The following ARID5B variants were observed in gnomAD, a reference collection of about 807,000 sequenced individuals.
ARID5B encodes the protein AT-rich interaction domain 5B.
In ARID5B, 13 loss-of-function variants were observed where a neutral mutation model predicts 97.2. The observed-to-expected ratio is 0.13, with a 90% CI of 0.09 to 0.21. ARID5B has a LOEUF of 0.21. Ranked by LOEUF, ARID5B falls within the 10% of genes least tolerant of loss-of-function variation. The pLI is 1.00. For synonymous variants in ARID5B, 556 were observed against 570.3 expected, an observed-to-expected ratio of 0.97 and a Z score of 0.36; for missense variants, 1,210 against 1,465.3, an observed-to-expected ratio of 0.83 and a Z score of 2.84.
intron 3 of ARID5B, among the ~76,000 whole-genome samples, chr10:61,950,196 C>T (rs922175056): frequency 1.3e-5 from 2 of 152,116 alleles, no homozygotes; most frequent in East Asian, 1.9e-4. Context: ...TTAGTAGAGA[C>T]GGGGTTTCAC....
intron 8 of ARID5B, among the ~76,000 whole-genome samples, chr10:62,072,242 C>A (rs1302353243): frequency 1.3e-5 from 2 of 152,188 alleles, no homozygotes; most frequent in Non-Finnish European, 2.9e-5. Context: ...TGCTGCCAGA[C>A]CTCAGAGGAC....
chr10:61,923,624 G>C (rs1280875127), intron 2 of ARID5B, among the ~76,000 whole-genome samples: 1 of 152,210 alleles, frequency 6.6e-6, no homozygotes, highest in East Asian at 1.9e-4. Flanking sequence ...GCTGCTGTAT[G>C]ACTCAGAGAG....
intron 4 of ARID5B, among the ~76,000 whole-genome samples, chr10:62,048,543 A>G (rs1839742384): frequency 6.6e-6 from 1 of 152,246 alleles, no homozygotes; most frequent in Non-Finnish European, 1.5e-5. Flanking sequence ...ATCAAATCCC[A>G]TTTAGAGTTT....
intron 7 of ARID5B, among the ~76,000 whole-genome samples, chr10:62,063,954 G>A (rs1839954835): frequency 6.6e-6 from 1 of 152,198 alleles, no homozygotes; most frequent in South Asian, 2.1e-4. Flanking sequence ...GCAAGCCAGA[G>A]GCAGTATCTG....
chr10:61,916,795 T>C (rs1021923280), intron 2 of ARID5B, among the ~76,000 whole-genome samples: 2 of 152,188 alleles, frequency 1.3e-5, no homozygotes, highest in Non-Finnish European at 2.9e-5. Flanking sequence ...GCGCAACAGC[T>C]GTATCCGTCT....
intron 3 of ARID5B, among the ~76,000 whole-genome samples, chr10:61,948,105 T>C (rs1838265244): frequency 3.3e-5 from 5 of 152,178 alleles, no homozygotes; most frequent in Admixed American, 2.6e-4. Flanking sequence ...AAAAGTGAAA[T>C]TGGAACTTTC....
chr10:62,051,467 A>G (rs1839789598), intron 5 of ARID5B, among the ~76,000 whole-genome samples: 1 of 152,250 alleles, frequency 6.6e-6, no homozygotes, highest in Non-Finnish European at 1.5e-5. Flanking sequence ...TTTCAAAGTC[A>G]CTTCTAATTT....
chr10:61,944,352 C>G (rs922297773), intron 3 of ARID5B, among the ~76,000 whole-genome samples: 5 of 152,078 alleles, frequency 3.3e-5, no homozygotes, highest in African/African-American at 7.2e-5. Context: ...CAGTACTTAG[C>G]TTTTATAATA....
intron 4 of ARID5B, among the ~76,000 whole-genome samples, chr10:62,048,421 A>C (rs922809958): frequency 1.3e-5 from 2 of 152,162 alleles, no homozygotes; most frequent in African/African-American, 4.8e-5. Flanking sequence ...TTCAGAGGGG[A>C]GAGTAGGAGA....
chr10:61,966,577 G>A (rs570605036), intron 3 of ARID5B, among the ~76,000 whole-genome samples: 2 of 151,768 alleles, frequency 1.3e-5, no homozygotes, highest in Non-Finnish European at 2.9e-5. Context: ...TTTTTACATG[G>A]ACCAAATACC....
At chr10:61,983,580 T>A (rs1287902124) in intron 3 of ARID5B, among the ~76,000 whole-genome samples, 1 of 152,148 alleles carries the variant, frequency 6.6e-6, no homozygotes, top group Admixed American at 6.5e-5. Flanking sequence ...ATTATATAGA[T>A]GTTCTCTGTC....
chr10:62,015,038 T>C (rs1260768872), intron 4 of ARID5B, among the ~76,000 whole-genome samples: 2 of 152,200 alleles, frequency 1.3e-5, no homozygotes, highest in African/African-American at 4.8e-5. Flanking sequence ...GAACAACTCA[T>C]TTCCTTAGAA....
At chr10:61,972,907 T>C (rs1395951869) in intron 3 of ARID5B, among the ~76,000 whole-genome samples, 1 of 152,300 alleles carries the variant, frequency 6.6e-6, no homozygotes, top group East Asian at 1.9e-4. Context: ...CTACAGCCAG[T>C]GTGAAATGAA....
chr10:62,095,381 A>G lies in ARID5B; in HGVS notation c.*2351A>G, dbSNP rs201893638. 1 of 231,402 alleles carries G rather than the reference A, an allele frequency of 4.3e-6. No homozygotes were observed. The highest frequency in any genetic ancestry group is 2.2e-5 in the African/African-American group (1 of 45,340). 14.3% of individuals were successfully genotyped at this position (231,402 alleles called of 1,614,324 possible). ...TATGAGTTCGTGTCTCAAAAAAAAA[A>G]GGAGGGGGGGCATCTGTCCCCGGTG... On this transcript the variant is annotated 3_prime_UTR_variant, in exon 10 of 10. Coordinates refer to ENST00000279873, the MANE Select transcript of ARID5B (RefSeq NM_032199.3).
intron 3 of ARID5B, among the ~76,000 whole-genome samples, chr10:61,967,782 A>C (rs550772563): frequency 1.3e-5 from 2 of 152,180 alleles, no homozygotes; most frequent in African/African-American, 4.8e-5. Flanking sequence ...TGCCATTTAC[A>C]ACAGAAAATA....
At chr10:62,086,517 C>G (rs368528689) in intron 9 of ARID5B, among the ~76,000 whole-genome samples, 1 of 151,564 alleles carries the variant, frequency 6.6e-6, no homozygotes, top group African/African-American at 2.4e-5. Context: ...CTGGCTAACA[C>G]GGTGAAACCC....
chr10:61,971,490 A>C (rs76583197), intron 3 of ARID5B, among the ~76,000 whole-genome samples: 3,769 of 152,356 alleles, frequency 0.025, 134 homozygotes, highest in African/African-American at 0.085. Flanking sequence ...ATGCAAAGTC[A>C]GTATGTGTTA....
intron 2 of ARID5B, among the ~76,000 whole-genome samples, chr10:61,934,213 T>C (rs1844259857): frequency 6.6e-6 from 1 of 152,202 alleles, no homozygotes; most frequent in Non-Finnish European, 1.5e-5. Context: ...GTTAGGGCCC[T>C]GCTCTGGATT....
At chr10:61,962,978 C>T (rs769010733) in intron 3 of ARID5B, among the ~76,000 whole-genome samples, 3 of 152,170 alleles carry the variant, frequency 2.0e-5, no homozygotes, top group South Asian at 2.1e-4. Flanking sequence ...GAGCCGTGTT[C>T]GCAGCCCTAC....
Sources: allele counts gnomAD v4.1 joint callset (sites outside exome capture counted in the v4.1 genomes callset), GRCh38; gene constraint gnomAD v4.1.1; transcripts MANE v1.5; gene names NCBI Gene and HGNC (gene_info 2026-07-23, HGNC 2026-07-21).